The following DCDC2 variants were observed in gnomAD, a reference collection of about 807,000 sequenced individuals.
DCDC2 encodes the protein doublecortin domain-containing protein 2.
Under a neutral mutation model 50.2 loss-of-function variants are expected in DCDC2, and 40 were observed. The observed-to-expected ratio is 0.80, with a 90% CI of 0.62 to 1.04. DCDC2 has a LOEUF of 1.04. Ranked by LOEUF, DCDC2 falls within the 50% of genes least tolerant of loss-of-function variation. The pLI is 0.00. For synonymous variants in DCDC2, 234 were observed against 210.6 expected (o/e 1.11, Z -0.96); for missense variants, 570 against 581.9 (o/e 0.98, Z 0.21).
chr6:24,225,239 T>C (rs1762204244), intron 7 of DCDC2, among the ~76,000 whole-genome samples: 1 of 152,140 alleles, frequency 6.6e-6, no homozygotes. Context: ...AGAATGGAAC[T>C]AAAGGTACCA....
chr6:24,179,750 T>G (rs793855), intron 8 of DCDC2, among the ~76,000 whole-genome samples: 19,912 of 146,488 alleles, frequency 0.14, 1,574 homozygotes, highest in East Asian at 0.4. Context: ...GTCAGGAGAT[T>G]GAGACCATCC....
At chr6:24,223,535 G>C (rs1762161682) in intron 7 of DCDC2, among the ~76,000 whole-genome samples, 1 of 152,180 alleles carries the variant, frequency 6.6e-6, no homozygotes, top group Non-Finnish European at 1.5e-5. Flanking sequence ...AAAGGCCTTT[G>C]AATTGCTGGA....
At chr6:24,250,233 C>A (rs1483810152) in intron 7 of DCDC2, among the ~76,000 whole-genome samples, 1 of 152,168 alleles carries the variant, frequency 6.6e-6, no homozygotes, top group African/African-American at 2.4e-5. Flanking sequence ...GAGGTGAGTA[C>A]AAATCGGTAA....
intron 8 of DCDC2, among the ~76,000 whole-genome samples, chr6:24,184,698 G>C (rs1434785194): frequency 6.6e-6 from 1 of 152,146 alleles, no homozygotes; most frequent in Non-Finnish European, 1.5e-5. Flanking sequence ...CAGAGTACCT[G>C]AAGCAGTATA....
At chr6:24,301,648 C>T (rs1581640587) in intron 4 of DCDC2, 67 bp downstream of exon 4, 4 of 1,576,094 alleles carry the variant, frequency 2.5e-6, no homozygotes, top group South Asian at 1.2e-5. Flanking sequence ...CCAGTGACTC[C>T]GGAGCCTCCT....
At chr6:24,359,222 T>TTTTATATA (rs1760589320), upstream of DCDC2, among the ~76,000 whole-genome samples, 1 of 35,584 alleles carries the variant, frequency 2.8e-5, no homozygotes, top group Non-Finnish European at 4.3e-5. Context: ...TATTATATAT[T>TTTTATATA]TTATATATTT....
the DCDC2 span, among the ~76,000 whole-genome samples, chr6:24,382,289 T>C: frequency 6.6e-6 from 1 of 152,138 alleles, no homozygotes; most frequent in African/African-American, 2.4e-5. Context: ...TATCAGGTGC[T>C]AGTTACTGCA....
intron 7 of DCDC2, among the ~76,000 whole-genome samples, chr6:24,267,525 C>T (rs1258432283): frequency 3.9e-5 from 6 of 152,162 alleles, no homozygotes; most frequent in Non-Finnish European, 8.8e-5. Flanking sequence ...AAAATATTTT[C>T]AGACTTGCTG....
At chr6:24,365,317 G>C in the DCDC2 span, among the ~76,000 whole-genome samples, 1 of 152,200 alleles carries the variant, frequency 6.6e-6, no homozygotes, top group Non-Finnish European at 1.5e-5. Context: ...TTTTGGAACA[G>C]AGATTTGCTC....
At position 24,213,100 on chromosome 6, in the gene DCDC2, C is replaced by G. The variant is rs182806578; in HGVS notation, c.923-7998G>C. ...CAAGTAAAGATAATCAGAATTTAAGCCTACCATTCTTGCTTTCTCACCAAA... is the reference window on the plus strand; with the variant it reads ...CAAGTAAAGATAATCAGAATTTAAGGCTACCATTCTTGCTTTCTCACCAAA... On this transcript the variant is annotated intron_variant, in intron 7 of 9. Coordinates refer to ENST00000378454, the MANE Select transcript of DCDC2 (RefSeq NM_016356.5). Among the ~76,000 whole-genome samples, 48 of 152,192 alleles carry G rather than the reference C, an allele frequency of 3.2e-4. 1 individual carries two copies. The East Asian group carries it at 8.7e-3, about 28-fold the overall frequency.
chr6:24,321,876 G>GAATT (rs1759779750), intron 2 of DCDC2, among the ~76,000 whole-genome samples: 1 of 152,184 alleles, frequency 6.6e-6, no homozygotes, highest in Non-Finnish European at 1.5e-5. Context: ...AAATTAGGAT[G>GAATT]AATTAATTAC....
intron 8 of DCDC2, among the ~76,000 whole-genome samples, chr6:24,186,916 G>T (rs143359994): frequency 3.9e-5 from 6 of 152,118 alleles, no homozygotes; most frequent in Non-Finnish European, 5.9e-5. Context: ...AATCCAATCT[G>T]ACTCATGTCA....
rs143718146 is a variant in DCDC2 at position 24,231,164 on chromosome 6, C to G, written c.923-26062G>C. Reference sequence around the variant, plus strand: ...TGCCAGGTCCCTTTCCTCCCACATTCCCTTCTCAGCATCGCTGTTGTCAGA... The same window carrying G: ...TGCCAGGTCCCTTTCCTCCCACATTGCCTTCTCAGCATCGCTGTTGTCAGA... On this transcript the variant is annotated intron_variant, in intron 7 of 9. Coordinates refer to ENST00000378454, the MANE Select transcript of DCDC2 (RefSeq NM_016356.5). Among the ~76,000 whole-genome samples the G allele has an allele frequency of 8.3e-4, 127 of 152,342 alleles. 1 individual carries two copies. The highest frequency in any genetic ancestry group is 2.9e-3 in the African/African-American group (120 of 41,578).
chr6:24,314,771 G>A (rs181525547), intron 2 of DCDC2, among the ~76,000 whole-genome samples: 3 of 152,036 alleles, frequency 2.0e-5, no homozygotes, highest in African/African-American at 7.2e-5. Context: ...ATTTGAATAA[G>A]TGTCAGTGTT....
chr6:24,230,185 C>T (rs1702359336), intron 7 of DCDC2, among the ~76,000 whole-genome samples: 1 of 152,126 alleles, frequency 6.6e-6, no homozygotes, highest in Admixed American at 6.5e-5. Context: ...CAGAAGTGAA[C>T]AAAACAAGCC....
At chr6:24,292,648 G>A (rs181966823) in intron 4 of DCDC2, among the ~76,000 whole-genome samples, 4 of 152,306 alleles carry the variant, frequency 2.6e-5, no homozygotes, top group East Asian at 1.9e-4. Context: ...CAAGAGGATC[G>A]CTTGAGCCCA....
intron 7 of DCDC2, among the ~76,000 whole-genome samples, chr6:24,268,181 C>T (rs1341351945): frequency 6.6e-6 from 1 of 152,070 alleles, no homozygotes; most frequent in East Asian, 1.9e-4. Flanking sequence ...TTACCAGAAG[C>T]ATATATTAAA....
At chr6:24,377,152 G>C in the DCDC2 span, among the ~76,000 whole-genome samples, 1 of 152,236 alleles carries the variant, frequency 6.6e-6, no homozygotes, top group Non-Finnish European at 1.5e-5. Context: ...AAATGTGTCA[G>C]ATGGACTACG....
chr6:24,315,520 T>G (rs1759645241), intron 2 of DCDC2, among the ~76,000 whole-genome samples: 1 of 152,176 alleles, frequency 6.6e-6, no homozygotes, highest in South Asian at 2.1e-4. Flanking sequence ...AGTCATCTAC[T>G]GTGTGACAGG....
Sources: gnomAD v4.1 joint callset for allele counts (sites outside exome capture counted in the v4.1 genomes callset) on GRCh38, gnomAD v4.1.1 for gene constraint, MANE v1.5 for transcripts, NCBI Gene and HGNC (gene_info 2026-07-23, HGNC 2026-07-21) for gene names.